Variants in KIF23 observed in about 807,000 individuals in gnomAD.
The protein encoded by KIF23 is kinesin-like protein KIF23.
A neutral mutation model predicts 137.5 loss-of-function variants in KIF23; 30 were observed. The observed-to-expected ratio is 0.22, with a 90% CI of 0.16 to 0.30. The LOEUF is 0.30. Among genes scored for constraint, KIF23 ranks in the 10% least tolerant of loss-of-function variants. The probability of loss-of-function intolerance (pLI) is 1.00; values close to 1 mark genes in which losing one functional copy is unlikely to be tolerated. For synonymous variants in KIF23, 367 were observed against 391.1 expected (o/e 0.94, Z 0.73); for missense variants, 920 against 1,194.3 (o/e 0.77, Z 3.38).
Position 69,440,981 on chromosome 15 carries a change from G to C in KIF23, c.2323G>C (p.Val775Leu). The C allele has an allele frequency of 1.2e-6, 2 of 1,614,208 alleles. No homozygotes were observed. Among genetic ancestry groups the C allele is most frequent in the Non-Finnish European group, 8.5e-7 (1 of 1,180,038 alleles). ...GCCAGGACAAAGCAAAACTTGTATC[G>C]TGTCAGACAGAAGGCGAGGGATGTA... ...QEPGQSKTCI[V>L]SDRRRGMYWT... Residue 775 changes from valine (V) to leucine (L), a missense_variant, in exon 19 of 24, where the codon GTG becomes CTG. Transcript: ENST00000679126.
chr15:69,419,182 G>T (rs1327025546), intron 3 of KIF23, among the ~76,000 whole-genome samples: 2 of 152,154 alleles, frequency 1.3e-5, no homozygotes, highest in Non-Finnish European at 2.9e-5. Flanking sequence ...AAGTAGTCTG[G>T]TAACCAATCT....
chr15:69,427,802 G>A (rs2057239490), intron 10 of KIF23, among the ~76,000 whole-genome samples: 1 of 152,166 alleles, frequency 6.6e-6, no homozygotes, highest in South Asian at 2.1e-4. Context: ...GGCAGGAGTG[G>A]TATTGAAGAC....
At chr15:69,422,294 G>T in intron 5 of KIF23, 32 bp from the exon 6 acceptor site, 1 of 1,438,238 alleles carries the variant, frequency 7.0e-7, no homozygotes, top group South Asian at 1.2e-5. Flanking sequence ...AAAAAACGTG[G>T]TGTGATTTTT....
At chr15:69,429,548 C>G (rs2057298904) in intron 11 of KIF23, among the ~76,000 whole-genome samples, 1 of 152,092 alleles carries the variant, frequency 6.6e-6, no homozygotes, top group Non-Finnish European at 1.5e-5. Flanking sequence ...CTCTAGTAAT[C>G]TCTCACCTTG....
Position 69,447,680 on chromosome 15 carries a change from G to C in KIF23, c.2910-112G>C, listed in dbSNP as rs2057770018. On this transcript the variant is annotated intron_variant, in intron 23 of 23. Transcript: ENST00000679126. The stretch of plus-strand genomic sequence containing the variant: ...GTTGTTTGCTTTCTCAGAGGGACTT[G>C]AATTATCTCATCATAAAACAGCAGT... 6.3e-6 allele frequency: 6 copies of C among 957,582 alleles called. No individual in the cohort carries two copies. The South Asian group carries it at 8.6e-5, about 14-fold the overall frequency. The allele number at this position is 957,582 out of a possible 1,614,324, so 59.3% of individuals were successfully genotyped here. A position where few individuals can be genotyped will look rare whatever the true frequency, so the allele number is the denominator to read the frequency against.
At position 69,433,009 on chromosome 15, in the gene KIF23, C is replaced by A. The variant is rs182226040; in HGVS notation, c.1115-2474C>A. On this transcript the variant is annotated intron_variant, in intron 11 of 23. Transcript: ENST00000679126. ...CCATCTAAGTATGCAGACACCCCATCATGTTCCCCCGGACAATATAGACCT... is the reference window on the plus strand; with the variant it reads ...CCATCTAAGTATGCAGACACCCCATAATGTTCCCCCGGACAATATAGACCT... Among the ~76,000 whole-genome samples, 789 of 152,252 alleles carry A rather than the reference C, an allele frequency of 5.2e-3. 8 individuals carry two copies. The highest frequency in any genetic ancestry group is 0.018 in the African/African-American group (760 of 41,536).
rs970199410 is a variant in KIF23 at position 69,422,492 on chromosome 15, G to A, written c.563+57G>A. The A allele has an allele frequency of 4.2e-5, 41 of 987,128 alleles. No individual in the cohort carries two copies. In the African/African-American group the frequency reaches 5.6e-4, roughly 14 times the overall value. The allele number at this position is 987,128 out of a possible 1,614,324, so 61.1% of individuals were successfully genotyped here. ...CTAGGGGCACAGGATTCTTTCCTGT[G>A]GTTTGCCCAGACATGAGGAATGGTG... On this transcript the variant is annotated intron_variant, in intron 6 of 23. Transcript: ENST00000679126.
At chr15:69,447,165 C>T (rs991384777) in intron 23 of KIF23, among the ~76,000 whole-genome samples, 6 of 152,180 alleles carry the variant, frequency 3.9e-5, no homozygotes, top group Non-Finnish European at 4.4e-5. Context: ...GCAAGGCAGG[C>T]GGTGGTGGAA....
chr15:69,437,060 G>T (rs1271279860), intron 15 of KIF23, among the ~76,000 whole-genome samples: 2 of 152,134 alleles, frequency 1.3e-5, no homozygotes, highest in African/African-American at 4.8e-5. Flanking sequence ...CAGCCAATTT[G>T]CAATAATTGT....
chr15:69,432,203 T>C (rs1007720987), intron 11 of KIF23, among the ~76,000 whole-genome samples: 1 of 89,388 alleles, frequency 1.1e-5, no homozygotes, highest in Non-Finnish European at 2.2e-5. Flanking sequence ...AGTGTTAATA[T>C]AGAGTTAGGG....
At chr15:69,443,773 G>A (rs976542757) in intron 19 of KIF23, 11 of 151,452 alleles carry the variant, frequency 7.3e-5, no homozygotes, top group African/African-American at 2.7e-4. Context: ...CATGACATTT[G>A]ACTGGAAGCA....
At chr15:69,417,625 T>A (rs757764466) in intron 3 of KIF23, 114 bp downstream of exon 3, 32 of 1,148,260 alleles carry the variant, frequency 2.8e-5, no homozygotes, top group Non-Finnish European at 3.8e-5. Flanking sequence ...AAAAGACTTA[T>A]TTACTTCATT....
At chr15:69,438,126 AGACTGAT>A (rs1337272075) in intron 15 of KIF23, 115 bp from the exon 16 acceptor site, 123 of 817,878 alleles carry the variant, frequency 1.5e-4, no homozygotes, top group Non-Finnish European at 2.6e-5. Flanking sequence ...TTCTCATTAT[AGACTGAT>A]TCTCACAGAG....
intron 15 of KIF23, among the ~76,000 whole-genome samples, chr15:69,437,749 A>C (rs907044501): frequency 1.3e-5 from 2 of 151,728 alleles, no homozygotes; most frequent in African/African-American, 4.8e-5. Flanking sequence ...GTGAGCCACC[A>C]TGCCTGGCTC....
chr15:69,428,835 T>C (rs1000625842), intron 10 of KIF23, among the ~76,000 whole-genome samples: 4 of 152,038 alleles, frequency 2.6e-5, no homozygotes, highest in Non-Finnish European at 2.9e-5. Context: ...ATGCTGGTGA[T>C]AAGGTAGTAA....
At position 69,436,627 on chromosome 15, in the gene KIF23, A is replaced by G; in HGVS notation, c.1502A>G (p.Asp501Gly). The change falls in exon 15 of 24, where the codon GAT (aspartate) becomes GGT (glycine). Residue 501 changes from aspartate (D) to glycine (G), a missense_variant. By Grantham distance (94) the Asp-to-Gly change is moderately conservative (BLOSUM62 -1). Around this residue, in one of 4 missense-constraint regions of KIF23, gnomAD observed 714 missense variants for 866.2 expected, o/e 0.82. Transcript: ENST00000679126. Reference sequence around the variant, plus strand: ...CCTTTGCCATCATGCGAAATTTTGGATATCAACGATGAGCAGACACTTCCA... The same window carrying G: ...CCTTTGCCATCATGCGAAATTTTGGGTATCAACGATGAGCAGACACTTCCA... ...FPPLPSCEILDINDEQTLPRL... is the reference protein window; with the variant it reads ...FPPLPSCEILGINDEQTLPRL... 9 of 1,612,606 alleles carry G rather than the reference A, an allele frequency of 5.6e-6. No individual in the cohort carries two copies. The highest frequency in any genetic ancestry group is 7.6e-6 in the Non-Finnish European group (9 of 1,178,892).
chr15:69,435,581 T>G lies in KIF23; in HGVS notation c.1194+19T>G. Reference sequence around the variant, plus strand: ...TAACAAGGTAAGCAGCAGCCTTCTCTGTTCTTTTGTATAGTTTCATTTGTG... The same window carrying G: ...TAACAAGGTAAGCAGCAGCCTTCTCGGTTCTTTTGTATAGTTTCATTTGTG... On this transcript the variant is annotated intron_variant, in intron 12 of 23. Coordinates refer to ENST00000679126, the MANE Select transcript of KIF23 (RefSeq NM_001367805.3). The G allele has an allele frequency of 3.1e-6, 5 of 1,613,660 alleles. No individual in the cohort carries two copies. Among genetic ancestry groups the G allele is most frequent in the Non-Finnish European group, 3.4e-6 (4 of 1,179,840 alleles).
intron 16 of KIF23, among the ~76,000 whole-genome samples, chr15:69,438,738 T>C (rs2057541731): frequency 6.6e-6 from 1 of 151,102 alleles, no homozygotes; most frequent in Admixed American, 6.6e-5. Flanking sequence ...GAGGTGGAGG[T>C]TGCAGTGAGC....
chr15:69,436,241 C>A lies in KIF23; in HGVS notation c.1418C>A (p.Pro473His). ...CCTGGGAGGAGATACAGAAACCAGC[C>A]TCGAGGTCCAGTTGGAAATGGTATG... ...LTPGRRYRNQPRGPVGNEPLV... is the reference protein window; with the variant it reads ...LTPGRRYRNQHRGPVGNEPLV... The change falls in exon 14 of 24, where the codon CCT becomes CAT. Residue 473 changes from proline (P) to histidine (H), a missense_variant. Coordinates refer to ENST00000679126, the MANE Select transcript of KIF23 (RefSeq NM_001367805.3). The A allele has an allele frequency of 1.2e-6, 2 of 1,613,934 alleles. No homozygotes were observed. Among genetic ancestry groups the A allele is most frequent in the Admixed American group, 1.7e-5 (1 of 59,992 alleles).
Sources: allele counts gnomAD v4.1 joint callset (sites outside exome capture counted in the v4.1 genomes callset), GRCh38; gene constraint gnomAD v4.1.1; regional missense constraint gnomAD v4.1.1; transcripts MANE v1.5; gene names NCBI Gene and HGNC (gene_info 2026-07-23, HGNC 2026-07-21).